EVI5: variants seen among roughly 807,000 people sequenced by gnomAD.
EVI5 encodes ecotropic viral integration site 5.
EVI5 carries 73 observed loss-of-function variants against 112.0 expected under a neutral mutation model. The observed-to-expected ratio is 0.65, with a 90% CI of 0.54 to 0.79. EVI5 has a LOEUF of 0.79. Ranked by LOEUF, EVI5 falls within the 30% of genes least tolerant of loss-of-function variation. The pLI, the probability that EVI5 is intolerant of heterozygous loss-of-function variation, is 0.00. For missense variants in EVI5, 900 were observed against 968.8 expected, an observed-to-expected ratio of 0.93 and a Z score of 0.94; for synonymous variants, 305 against 319.9, an observed-to-expected ratio of 0.95 and a Z score of 0.50.
At position 92,533,871 on chromosome 1, in the gene EVI5, A is replaced by G. The variant is rs1663331605; in HGVS notation, c.2167-19901T>C. On this transcript the variant is annotated intron_variant, in intron 19 of 19. Coordinates refer to ENST00000684568, the MANE Select transcript of EVI5 (RefSeq NM_001350197.2). ...AGCATTCCCTTTGAAAACTGGCACAAGACAAGGATGCCCTCTCTCACCACT... is the reference window on the plus strand; with the variant it reads ...AGCATTCCCTTTGAAAACTGGCACAGGACAAGGATGCCCTCTCTCACCACT... 2.6e-5 allele frequency among the ~76,000 whole-genome samples: 4 copies of G among 152,242 alleles called. No individual in the cohort carries two copies. In the East Asian group the frequency reaches 7.7e-4, roughly 29 times the overall value.
At chr1:92,688,002 A>C (rs924277431) in intron 9 of EVI5, among the ~76,000 whole-genome samples, 2 of 152,208 alleles carry the variant, frequency 1.3e-5, no homozygotes, top group Non-Finnish European at 2.9e-5. Flanking sequence ...AGAACTAGAA[A>C]TACCATTTGA....
chr1:92,773,154 C>T (rs1282642148), intron 1 of EVI5, among the ~76,000 whole-genome samples: 2 of 143,868 alleles, frequency 1.4e-5, no homozygotes, highest in Non-Finnish European at 3.0e-5. Context: ...TGCAGTGAGC[C>T]GAGATCGTGC....
At chr1:92,718,856 A>G (rs1171166277) in intron 2 of EVI5, among the ~76,000 whole-genome samples, 1 of 152,200 alleles carries the variant, frequency 6.6e-6, no homozygotes, top group Non-Finnish European at 1.5e-5. Flanking sequence ...AAAAATTATA[A>G]GAGGGATATC....
intron 5 of EVI5, among the ~76,000 whole-genome samples, chr1:92,698,464 G>A (rs1328462409): frequency 6.6e-6 from 1 of 152,178 alleles, no homozygotes; most frequent in Non-Finnish European, 1.5e-5. Flanking sequence ...ATCAGGAAAG[G>A]TCCCCTGATA....
chr1:92,588,469 T>C (rs1253049629), intron 18 of EVI5, among the ~76,000 whole-genome samples: 3 of 152,222 alleles, frequency 2.0e-5, no homozygotes, highest in Non-Finnish European at 4.4e-5. Flanking sequence ...CAAATGTTTG[T>C]TTAAATAAAT....
intron 2 of EVI5, among the ~76,000 whole-genome samples, chr1:92,707,194 A>C (rs1193230167): frequency 1.4e-5 from 2 of 144,914 alleles, no homozygotes; most frequent in East Asian, 2.0e-4. Flanking sequence ...AAAAAAAAAA[A>C]AAAAAACACA....
chr1:92,750,170 T>C (rs1679957978), intron 1 of EVI5, among the ~76,000 whole-genome samples: 1 of 151,972 alleles, frequency 6.6e-6, no homozygotes, highest in South Asian at 2.1e-4. Flanking sequence ...GTGGAACTTA[T>C]AGAAATAAAA....
At chr1:92,745,941 T>C (rs1416271420) in intron 1 of EVI5, among the ~76,000 whole-genome samples, 1 of 152,248 alleles carries the variant, frequency 6.6e-6, no homozygotes, top group East Asian at 1.9e-4. Context: ...GGCCTAAGGA[T>C]GCCCATGTCC....
chr1:92,687,922 T>C (rs1558074902), intron 9 of EVI5, among the ~76,000 whole-genome samples: 1 of 152,214 alleles, frequency 6.6e-6, no homozygotes, highest in African/African-American at 2.4e-5. Context: ...TAGGAACGCT[T>C]ACACTGTTGG....
intron 2 of EVI5, among the ~76,000 whole-genome samples, chr1:92,719,228 C>T (rs1252444100): frequency 1.3e-5 from 2 of 151,934 alleles, no homozygotes; most frequent in African/African-American, 4.8e-5. Flanking sequence ...CAAAGGTTGG[C>T]AGAGACACGA....
At position 92,771,108 on chromosome 1, in the gene EVI5, G is replaced by A. The variant is rs141223417; in HGVS notation, c.-82+13728C>T. Reference sequence around the variant, plus strand: ...TGGGATTACAGGAGAGAGCCACAGCGCCTGGCGAGAAGTCTGTATTTTTAC... The same window carrying A: ...TGGGATTACAGGAGAGAGCCACAGCACCTGGCGAGAAGTCTGTATTTTTAC... On this transcript the variant is annotated intron_variant, in intron 1 of 19. Coordinates refer to ENST00000684568, the MANE Select transcript of EVI5 (RefSeq NM_001350197.2). Among the ~76,000 whole-genome samples the A allele has an allele frequency of 4.6e-3, 694 of 152,042 alleles. 7 individuals are homozygous for A. Among genetic ancestry groups the A allele is most frequent in the Non-Finnish European group, 8.5e-3 (577 of 67,922 alleles).
intron 1 of EVI5, among the ~76,000 whole-genome samples, chr1:92,739,519 G>A (rs919633023): frequency 4.6e-5 from 7 of 152,106 alleles, no homozygotes; most frequent in Non-Finnish European, 5.9e-5. Flanking sequence ...GGTCAGTGGT[G>A]AAGGTTGCAC....
chr1:92,547,087 C>T (rs1665851042), intron 19 of EVI5, among the ~76,000 whole-genome samples: 1 of 152,172 alleles, frequency 6.6e-6, no homozygotes, highest in Admixed American at 6.5e-5. Context: ...AAATTGACCA[C>T]ATAGTTGGAA....
chr1:92,618,731 C>A (rs1653802459), intron 16 of EVI5, among the ~76,000 whole-genome samples: 1 of 152,178 alleles, frequency 6.6e-6, no homozygotes, highest in Non-Finnish European at 1.5e-5. Flanking sequence ...GAAGGTTAGT[C>A]ATTAATACCA....
intron 19 of EVI5, among the ~76,000 whole-genome samples, chr1:92,531,862 A>G (rs949706986): frequency 1.3e-5 from 2 of 152,266 alleles, no homozygotes; most frequent in East Asian, 1.9e-4. Context: ...CATTGACACT[A>G]TGAAGAAACT....
At chr1:92,623,909 A>T (rs548224544) in intron 16 of EVI5, among the ~76,000 whole-genome samples, 97 of 152,360 alleles carry the variant, frequency 6.4e-4, no homozygotes, top group Non-Finnish European at 1.3e-3. Flanking sequence ...TTCTCAAGTC[A>T]TGCAACAGGG....
chr1:92,563,211 C>T (rs1477976834), intron 19 of EVI5, among the ~76,000 whole-genome samples: 2 of 151,948 alleles, frequency 1.3e-5, no homozygotes, highest in African/African-American at 2.4e-5. Context: ...TCCTTTTTTG[C>T]AATCTCAGTA....
chr1:92,619,303 T>C (rs530552139), intron 16 of EVI5, among the ~76,000 whole-genome samples: 1 of 152,108 alleles, frequency 6.6e-6, no homozygotes, highest in Non-Finnish European at 1.5e-5. Flanking sequence ...CTTTCCCCCA[T>C]CCTGGATGCT....
chr1:92,632,799 T>C (rs1657501673), intron 14 of EVI5, among the ~76,000 whole-genome samples: 1 of 152,204 alleles, frequency 6.6e-6, no homozygotes, highest in Non-Finnish European at 1.5e-5. Flanking sequence ...CTGCTTTCTC[T>C]TGTGGGCATT....
Sources: gnomAD v4.1 joint callset for allele counts (sites outside exome capture counted in the v4.1 genomes callset) on GRCh38, gnomAD v4.1.1 for gene constraint, MANE v1.5 for transcripts, NCBI Gene and HGNC (gene_info 2026-07-23, HGNC 2026-07-21) for gene names.